The following VSTM1 variants were observed in gnomAD, a reference collection of about 807,000 sequenced individuals.
VSTM1 encodes V-set and transmembrane domain containing 1.
In VSTM1, 27 loss-of-function variants were observed where a neutral mutation model predicts 33.1. The ratio of observed to expected loss-of-function variants is 0.82; its 90% confidence interval spans 0.60 to 1.12. The LOEUF is 1.12. VSTM1 is among the 50% of genes most tolerant of loss of function. VSTM1 has a pLI of 0.00. For synonymous variants in VSTM1, 115 were observed against 110.3 expected (o/e 1.04, Z -0.27); for missense variants, 304 against 288.9 (o/e 1.05, Z -0.38).
At chr19:54,043,284 T>C (rs539786176) in intron 4 of VSTM1, among the ~76,000 whole-genome samples, 1 of 152,214 alleles carries the variant, frequency 6.6e-6, no homozygotes, top group East Asian at 1.9e-4. Flanking sequence ...CAAGCTGCAA[T>C]ATCAAGTCTC....
chr19:54,051,497 C>T (rs1196418658), intron 3 of VSTM1, 49 bp from the exon 4 acceptor site: 14 of 1,517,254 alleles, frequency 9.2e-6, no homozygotes, highest in African/African-American at 4.3e-5. Flanking sequence ...ATACAGGAAC[C>T]TTGGGGACAG....
intron 1 of VSTM1, among the ~76,000 whole-genome samples, chr19:54,059,659 A>G (rs1308728071): frequency 6.7e-6 from 1 of 150,296 alleles, no homozygotes; most frequent in African/African-American, 2.5e-5. Flanking sequence ...GTTGTTGTAG[A>G]GATGGGGTTT....
chr19:54,055,440 G>A lies in VSTM1; in HGVS notation c.355+2866C>T, dbSNP rs996476222. ...AGTTAGTGGAGGCAAGTTACCTGTC[G>A]TGGAGACAGGAACATAGAAAATGCT... On this transcript the variant is annotated intron_variant, in intron 3 of 8. Transcript: ENST00000338372. 11 of 142,530 alleles carry A rather than the reference G, an allele frequency of 7.7e-5. 4 individuals carry two copies. Among genetic ancestry groups the A allele is most frequent in the Non-Finnish European group, 1.7e-4 (11 of 64,496 alleles). The allele number at this position is 142,530 out of a possible 1,614,324, so 8.8% of individuals were successfully genotyped here. A position where few individuals can be genotyped will look rare whatever the true frequency, so the allele number is the denominator to read the frequency against.
intron 8 of VSTM1, among the ~76,000 whole-genome samples, chr19:54,041,543 C>T (rs1338008050): frequency 1.3e-5 from 2 of 152,082 alleles, no homozygotes; most frequent in African/African-American, 2.4e-5. Flanking sequence ...CCTCATGATC[C>T]GCCCGCCTCG....
intron 3 of VSTM1, among the ~76,000 whole-genome samples, chr19:54,053,605 C>T (rs2070954255): frequency 7.1e-6 from 1 of 141,572 alleles, no homozygotes; most frequent in African/African-American, 2.6e-5. Context: ...TGGACCCTTC[C>T]CCAGTCAAGC....
At chr19:54,047,164 C>T (rs1406531526) in intron 4 of VSTM1, among the ~76,000 whole-genome samples, 1 of 152,070 alleles carries the variant, frequency 6.6e-6, no homozygotes, top group Non-Finnish European at 1.5e-5. Flanking sequence ...CATTGCACTC[C>T]AGCCTGGGCA....
At chr19:54,059,260 C>T (rs1190250730) in intron 1 of VSTM1, among the ~76,000 whole-genome samples, 1 of 151,978 alleles carries the variant, frequency 6.6e-6, no homozygotes, top group Non-Finnish European at 1.5e-5. Context: ...AGGGTCTCAC[C>T]ATGTTGGCCA....
intron 7 of VSTM1, 37 bp from the exon 8 acceptor site, chr19:54,041,853 C>T (rs754840607): frequency 6.2e-7 from 1 of 1,613,850 alleles, no homozygotes; most frequent in Non-Finnish European, 8.5e-7. Context: ...CAGTTCTCAG[C>T]TGCAGAAGTC....
intron 3 of VSTM1, 151 bp from the exon 4 acceptor site, chr19:54,051,599 C>T (rs896706800): frequency 6.9e-6 from 4 of 581,004 alleles, no homozygotes; most frequent in Non-Finnish European, 1.2e-5. Context: ...TCCCTGGGTC[C>T]TCAGAGCATG....
At chr19:54,058,663 G>A (rs2071233453) in intron 2 of VSTM1, 34 bp downstream of exon 2, 1 of 1,613,608 alleles carries the variant, frequency 6.2e-7, no homozygotes, top group Non-Finnish European at 8.5e-7. Context: ...AGCGTGGGAT[G>A]CAGGAATAAA....
chr19:54,062,936 G>A (rs992797793), intron 1 of VSTM1, among the ~76,000 whole-genome samples: 5 of 152,236 alleles, frequency 3.3e-5, no homozygotes, highest in South Asian at 2.1e-4. Flanking sequence ...TAGTAAAGCC[G>A]AGATTATAAC....
At chr19:54,054,249 G>A (rs554027790) in intron 3 of VSTM1, among the ~76,000 whole-genome samples, 3 of 142,194 alleles carry the variant, frequency 2.1e-5, no homozygotes, top group South Asian at 2.3e-4. Context: ...TAGATGATAT[G>A]CCAGAGAACA....
intron 4 of VSTM1, among the ~76,000 whole-genome samples, chr19:54,048,886 C>G (rs183971719): frequency 6.6e-6 from 1 of 152,000 alleles, no homozygotes; most frequent in African/African-American, 2.4e-5. Context: ...GAGTTCGAGA[C>G]CAGCCTAGCC....
rs180819732 is a variant in VSTM1 at position 54,057,967 on chromosome 19, G to A, written c.355+339C>T. Among the ~76,000 whole-genome samples, 22 of 152,038 alleles carry A rather than the reference G, an allele frequency of 1.4e-4. 1 individual carries two copies. Among genetic ancestry groups the A allele is most frequent in the Middle Eastern group, 6.8e-3 (2 of 294 alleles). ...TAAAAATACAAAAATTAGGCCGGGC[G>A]CGGTGGCTCATGCCTGTAATCCCAG... On this transcript the variant is annotated intron_variant, in intron 3 of 8. Transcript: ENST00000338372.
Position 54,059,059 on chromosome 19 carries a change from CTTTTTTTTT to C in VSTM1, c.35-336_35-328del, listed in dbSNP as rs68002308. The stretch of plus-strand genomic sequence containing the variant: ...AGAAAATTCCAGCAACTTCTTCTTT[CTTTTTTTTT>C]TTTTTTTTTTGAAATGTAGTCTTGC... On this transcript the variant is annotated intron_variant, in intron 1 of 8. Transcript: ENST00000338372. Among the ~76,000 whole-genome samples, 4 of 104,194 alleles carry C rather than the reference CTTTTTTTTT, an allele frequency of 3.8e-5. 1 individual carries two copies. The highest frequency in any genetic ancestry group is 1.2e-4 in the African/African-American group (3 of 24,458). The allele number at this position is 104,194 out of a possible 152,430, so 68.4% of individuals were successfully genotyped here. A position where few individuals can be genotyped will look rare whatever the true frequency, so the allele number is the denominator to read the frequency against.
At chr19:54,050,439 T>C (rs1248769135) in intron 4 of VSTM1, among the ~76,000 whole-genome samples, 1 of 152,128 alleles carries the variant, frequency 6.6e-6, no homozygotes, top group Non-Finnish European at 1.5e-5. Flanking sequence ...ATTATATATA[T>C]TCCTGAAGTA....
chr19:54,063,492 CAGACTCGG>C (rs2071496738), intron 1 of VSTM1, among the ~76,000 whole-genome samples: 1 of 152,310 alleles, frequency 6.6e-6, no homozygotes, highest in East Asian at 1.9e-4. Context: ...TTAGCGGCTG[CAGACTCGG>C]AGACCCCACA....
At chr19:54,053,299 G>A (rs1369923379) in intron 3 of VSTM1, among the ~76,000 whole-genome samples, 1 of 141,634 alleles carries the variant, frequency 7.1e-6, no homozygotes, top group Non-Finnish European at 1.6e-5. Context: ...GACCCTAAGG[G>A]GGCACTCAGG....
rs190639766 is a variant in VSTM1, at chr19:54,042,822, A to G, written c.395-453T>C. 6.6e-3 allele frequency among the ~76,000 whole-genome samples: 359 copies of G among 54,288 alleles called. 2 individuals are homozygous for G. Among genetic ancestry groups the G allele is most frequent in the Non-Finnish European group, 0.011 (280 of 25,924 alleles). The allele number at this position is 54,288 out of a possible 152,430, so 35.6% of individuals were successfully genotyped here. A position where few individuals can be genotyped will look rare whatever the true frequency, so the allele number is the denominator to read the frequency against. ...TATAAATGTGTATATATATATATATATATATATATATATATACATATATAT... is the reference window on the plus strand; with the variant it reads ...TATAAATGTGTATATATATATATATGTATATATATATATATACATATATAT... On this transcript the variant is annotated intron_variant, in intron 4 of 8. Transcript: ENST00000338372.
Sources: allele counts gnomAD v4.1 joint callset (sites outside exome capture counted in the v4.1 genomes callset), GRCh38; gene constraint gnomAD v4.1.1; transcripts MANE v1.5; gene names NCBI Gene and HGNC (gene_info 2026-07-23, HGNC 2026-07-21).